The following INPP4B variants were observed in gnomAD, a reference collection of about 807,000 sequenced individuals.
INPP4B encodes inositol polyphosphate-4-phosphatase type II B, also known as inositol polyphosphate 4-phosphatase type II.
In INPP4B, 55 loss-of-function variants were observed where a neutral mutation model predicts 122.5. That is an observed-to-expected ratio of 0.45 (90% confidence interval 0.36 to 0.56). The LOEUF (loss-of-function observed/expected upper bound fraction) is 0.56. INPP4B is among the 20% of genes least tolerant of loss of function. The pLI, the probability that INPP4B is intolerant of heterozygous loss-of-function variation, is 0.00. For synonymous variants in INPP4B, 403 were observed against 388.7 expected (o/e 1.04, Z -0.43); for missense variants, 1,000 against 1,097.7 (o/e 0.91, Z 1.26).
At chr4:142,157,921 A>G (rs1818062964) in intron 17 of INPP4B, among the ~76,000 whole-genome samples, 1 of 151,926 alleles carries the variant, frequency 6.6e-6, no homozygotes. Flanking sequence ...AAAAGCAGCC[A>G]TCCAGCCCCA....
chr4:142,392,492 A>G (rs946582563), intron 7 of INPP4B, among the ~76,000 whole-genome samples: 22 of 152,232 alleles, frequency 1.4e-4, no homozygotes, highest in African/African-American at 5.3e-4. Context: ...CTTTAATGGT[A>G]CATATGTTGC....
At chr4:142,055,779 A>T (rs1214085304) in intron 25 of INPP4B, among the ~76,000 whole-genome samples, 2 of 151,868 alleles carry the variant, frequency 1.3e-5, no homozygotes, top group African/African-American at 4.8e-5. Context: ...TGGCACCAGG[A>T]ACTGGTTTCA....
At chr4:142,173,949 G>T in intron 15 of INPP4B, 140 bp from the exon 16 acceptor site, 1 of 711,168 alleles carries the variant, frequency 1.4e-6, no homozygotes, top group Non-Finnish European at 2.4e-6. Context: ...GATTTTTAAT[G>T]ATGCACTAGC....
intron 2 of INPP4B, among the ~76,000 whole-genome samples, chr4:142,672,898 T>A (rs1041327765): frequency 2.0e-5 from 3 of 152,182 alleles, no homozygotes; most frequent in African/African-American, 7.2e-5. Flanking sequence ...TATACTGAGT[T>A]AATGTTTGTA....
At chr4:142,440,002 T>C (rs1015967416) in intron 3 of INPP4B, among the ~76,000 whole-genome samples, 2 of 152,228 alleles carry the variant, frequency 1.3e-5, no homozygotes, top group African/African-American at 2.4e-5. Flanking sequence ...ACTTTATAGA[T>C]ATACATTTTT....
In INPP4B at chr4:142,431,184, C is replaced by G. The variant is rs368748025; in HGVS notation, c.76G>C (p.Asp26His). The G allele has an allele frequency of 6.2e-6, 10 of 1,612,074 alleles. No individual in the cohort carries two copies. The African/African-American group carries it at 9.4e-5, about 15-fold the overall frequency. The change falls in exon 4 of 26, where the codon GAC becomes CAC. Residue 26 changes from aspartate (D) to histidine (H), a missense_variant. Transcript: ENST00000262992. Reference protein sequence around the residue: ...LPTAQANDPGDCQFTSIQKTP... With the variant: ...LPTAQANDPGHCQFTSIQKTP... Reference sequence around the variant, plus strand: ...ACATACTTACTTGTGAACTGACAGTCCCCGGGATCATTGGCCTGGGCTGTA... The same window carrying G: ...ACATACTTACTTGTGAACTGACAGTGCCCGGGATCATTGGCCTGGGCTGTA...
intron 2 of INPP4B, among the ~76,000 whole-genome samples, chr4:142,478,008 G>A (rs767568038): frequency 6.6e-6 from 1 of 152,066 alleles, no homozygotes; most frequent in Admixed American, 6.5e-5. Flanking sequence ...TTGCCATGTC[G>A]CCCCGGCTGG....
intron 2 of INPP4B, among the ~76,000 whole-genome samples, chr4:142,597,865 C>T (rs1021279322): frequency 2.0e-5 from 3 of 152,050 alleles, no homozygotes; most frequent in Non-Finnish European, 2.9e-5. Flanking sequence ...GAAAACAAAA[C>T]GTTCCCAACT....
intron 1 of INPP4B, among the ~76,000 whole-genome samples, chr4:142,775,929 G>T (rs1349205775): frequency 6.6e-6 from 1 of 152,038 alleles, no homozygotes; most frequent in Non-Finnish European, 1.5e-5. Flanking sequence ...TTTGTCAAAT[G>T]CTTTTTCTGC....
chr4:142,430,577 C>T (rs148342768), intron 4 of INPP4B, among the ~76,000 whole-genome samples: 1 of 151,978 alleles, frequency 6.6e-6, no homozygotes, highest in Non-Finnish European at 1.5e-5. Flanking sequence ...ATTTTAAATA[C>T]AAAAGAAAAC....
intron 8 of INPP4B, chr4:142,306,008 T>A: frequency 1.2e-6 from 1 of 824,188 alleles, no homozygotes; most frequent in Non-Finnish European, 1.5e-6. Context: ...AATAGAAATG[T>A]TATATTTTTC....
At chr4:142,256,402 T>G (rs1006732064) in intron 11 of INPP4B, among the ~76,000 whole-genome samples, 2 of 151,756 alleles carry the variant, frequency 1.3e-5, no homozygotes, top group East Asian at 3.9e-4. Flanking sequence ...TTCAAAAAAT[T>G]AATGAATCCA....
chr4:142,757,526 T>C (rs1340586049), intron 1 of INPP4B, among the ~76,000 whole-genome samples: 7 of 152,168 alleles, frequency 4.6e-5, no homozygotes, highest in Non-Finnish European at 1.0e-4. Context: ...GTAGTTGGAA[T>C]CATACAGCAT....
intron 16 of INPP4B, among the ~76,000 whole-genome samples, chr4:142,165,712 C>T (rs182954783): frequency 2.6e-5 from 4 of 151,826 alleles, no homozygotes; most frequent in East Asian, 3.9e-4. Flanking sequence ...TCAGTGCCAA[C>T]AGAATAACAT....
chr4:142,242,024 A>G (rs1475784938), intron 11 of INPP4B, among the ~76,000 whole-genome samples: 1 of 152,164 alleles, frequency 6.6e-6, no homozygotes, highest in Non-Finnish European at 1.5e-5. Context: ...TATTCATTCC[A>G]TAGTTTTAAT....
chr4:142,066,872 T>A (rs1364148336), intron 25 of INPP4B, among the ~76,000 whole-genome samples: 5 of 152,204 alleles, frequency 3.3e-5, no homozygotes, highest in African/African-American at 9.6e-5. Flanking sequence ...GGCCTGCCTG[T>A]CTCTGCAGAC....
At chr4:142,245,142 T>G (rs149116470) in intron 11 of INPP4B, among the ~76,000 whole-genome samples, 8,579 of 152,236 alleles carry the variant, frequency 0.056, 498 homozygotes, top group East Asian at 0.21. Flanking sequence ...ATGAATAGAT[T>G]GCAAAAATTT....
At chr4:142,687,365 G>A (rs562405870) in intron 2 of INPP4B, among the ~76,000 whole-genome samples, 30 of 151,980 alleles carry the variant, frequency 2.0e-4, no homozygotes, top group African/African-American at 6.7e-4. Flanking sequence ...ATCAAGAAAA[G>A]GCAAAAATAA....
intron 2 of INPP4B, among the ~76,000 whole-genome samples, chr4:142,517,986 C>T (rs956003463): frequency 1.3e-5 from 2 of 152,130 alleles, no homozygotes; most frequent in African/African-American, 4.8e-5. Flanking sequence ...CTTATTGTTT[C>T]ATTATCACAA....
Sources: allele counts gnomAD v4.1 joint callset (sites outside exome capture counted in the v4.1 genomes callset), GRCh38; gene constraint gnomAD v4.1.1; transcripts MANE v1.5; gene names NCBI Gene and HGNC (gene_info 2026-07-23, HGNC 2026-07-21).